The following ERICH5 variants were observed in gnomAD, a reference collection of about 807,000 sequenced individuals.
The protein encoded by ERICH5 is glutamate-rich protein 5.
A neutral mutation model predicts 28.0 loss-of-function variants in ERICH5; 24 were observed. The observed-to-expected ratio is 0.86, with a 90% CI of 0.62 to 1.21. The LOEUF (loss-of-function observed/expected upper bound fraction) is 1.21. Ranked by LOEUF, ERICH5 falls within the 50% of genes most tolerant of loss-of-function variation. ERICH5 has a pLI of 0.00. For missense variants in ERICH5, 421 were observed against 441.2 expected, an observed-to-expected ratio of 0.95 and a Z score of 0.41; for synonymous variants, 163 against 157.6, an observed-to-expected ratio of 1.03 and a Z score of -0.25.
chr8:98,078,621 C>T (rs180908659), intron 1 of ERICH5, among the ~76,000 whole-genome samples: 1 of 152,268 alleles, frequency 6.6e-6, no homozygotes, highest in South Asian at 2.1e-4. Context: ...GTTCTAATCC[C>T]TTCTGTAATG....
At chr8:98,088,808 A>C (rs2130532686) in intron 1 of ERICH5, among the ~76,000 whole-genome samples, 1 of 152,368 alleles carries the variant, frequency 6.6e-6, no homozygotes, top group Admixed American at 6.5e-5. Flanking sequence ...GACAGGAGCC[A>C]TGAAAAGATG....
In ERICH5 at chr8:98,072,511, G is replaced by A. The variant is rs568851405; in HGVS notation, c.58+7784G>A. 5.9e-5 allele frequency among the ~76,000 whole-genome samples: 9 copies of A among 152,248 alleles called. No homozygotes were observed. In the South Asian group the frequency reaches 8.3e-4, roughly 14 times the overall value. Reference sequence around the variant, plus strand: ...AAATTAGCTAGGCATGGTGGCACACGCTTGTTGTCCCAGCTACTCAGGAGG... The same window carrying A: ...AAATTAGCTAGGCATGGTGGCACACACTTGTTGTCCCAGCTACTCAGGAGG... On this transcript the variant is annotated intron_variant, in intron 1 of 2. Coordinates refer to ENST00000318528, the MANE Select transcript of ERICH5 (RefSeq NM_173549.3).
intron 1 of ERICH5, among the ~76,000 whole-genome samples, chr8:98,067,475 CTA>C (rs1814838908): frequency 6.7e-6 from 1 of 150,298 alleles, no homozygotes; most frequent in South Asian, 2.1e-4. Context: ...AAAAAAGAAA[CTA>C]TATGTTTAAA....
rs148323967 is a variant in ERICH5 at position 98,090,940 on chromosome 8, A to T, written c.1012+911A>T. Among the ~76,000 whole-genome samples, 383 of 151,926 alleles carry T rather than the reference A, an allele frequency of 2.5e-3. 2 individuals are homozygous for T. The highest frequency in any genetic ancestry group is 3.0e-3 in the Non-Finnish European group (207 of 67,950). ...TTTCATTTATTTATTTTATTTAATT[A>T]ATTTATTTATTTTTTGAGATGGAGT... On this transcript the variant is annotated intron_variant, in intron 2 of 2. Coordinates refer to ENST00000318528, the MANE Select transcript of ERICH5 (RefSeq NM_173549.3).
At chr8:98,065,652 AG>A (rs1370140659) in intron 1 of ERICH5, among the ~76,000 whole-genome samples, 1 of 152,222 alleles carries the variant, frequency 6.6e-6, no homozygotes, top group Non-Finnish European at 1.5e-5. Context: ...AGAGAATGAC[AG>A]GGTTTTACAG....
chr8:98,070,421 C>A (rs1487070850), intron 1 of ERICH5, among the ~76,000 whole-genome samples: 1 of 151,396 alleles, frequency 6.6e-6, no homozygotes, highest in Admixed American at 6.6e-5. Flanking sequence ...CTTTGGGAGG[C>A]TAAGGTGGGC....
intron 1 of ERICH5, among the ~76,000 whole-genome samples, chr8:98,081,454 C>T (rs930554395): frequency 6.6e-6 from 1 of 152,100 alleles, no homozygotes; most frequent in African/African-American, 2.4e-5. Flanking sequence ...GGAGGTATAA[C>T]AATAGTGATG....
intron 1 of ERICH5, among the ~76,000 whole-genome samples, chr8:98,067,595 C>T (rs1814841544): frequency 6.6e-6 from 1 of 151,888 alleles, no homozygotes; most frequent in African/African-American, 2.4e-5. Flanking sequence ...CAATACAATA[C>T]AATCAACAAA....
intron 1 of ERICH5, among the ~76,000 whole-genome samples, chr8:98,073,905 A>G (rs1814998746): frequency 8.4e-6 from 1 of 119,486 alleles, no homozygotes; most frequent in East Asian, 2.3e-4. Context: ...CACTTTTTAA[A>G]TTTTTCTCTC....
At chr8:98,079,315 T>C (rs1237734721) in intron 1 of ERICH5, among the ~76,000 whole-genome samples, 3 of 151,210 alleles carry the variant, frequency 2.0e-5, no homozygotes, top group African/African-American at 7.3e-5. Context: ...GGACTACAGG[T>C]GCATGCCACC....
At chr8:98,080,916 G>A (rs556912528) in intron 1 of ERICH5, among the ~76,000 whole-genome samples, 33 of 152,118 alleles carry the variant, frequency 2.2e-4, no homozygotes, top group African/African-American at 7.7e-4. Context: ...TGTTGGCCAG[G>A]CTGGTCGAAC....
At chr8:98,070,455 G>A (rs575196876) in intron 1 of ERICH5, among the ~76,000 whole-genome samples, 3 of 151,474 alleles carry the variant, frequency 2.0e-5, no homozygotes, top group Non-Finnish European at 4.4e-5. Context: ...TTGGGAGTTC[G>A]AGACCAGCCT....
chr8:98,064,748 G>C (rs992928741), intron 1 of ERICH5, 21 bp downstream of exon 1: 1 of 1,521,706 alleles, frequency 6.6e-7, no homozygotes, highest in Non-Finnish European at 8.8e-7. Flanking sequence ...TACCGGCGCC[G>C]CCCGCGCCCG....
chr8:98,090,403 A>G (rs35792173), intron 2 of ERICH5, among the ~76,000 whole-genome samples: 38,391 of 152,078 alleles, frequency 0.25, 5,543 homozygotes, highest in Non-Finnish European at 0.32. Flanking sequence ...TCACCTTCCA[A>G]TGAAATGATA....
In ERICH5 at chr8:98,064,640, G is replaced by A. The variant is rs1814783698; in HGVS notation, c.-30G>A. The A allele has an allele frequency of 6.7e-7, 1 of 1,500,914 alleles. No homozygotes were observed. The allele number at this position is 1,500,914 out of a possible 1,614,324, so 93.0% of individuals were successfully genotyped here. A position where few individuals can be genotyped will look rare whatever the true frequency, so the allele number is the denominator to read the frequency against. On this transcript the variant is annotated 5_prime_UTR_variant, in exon 1 of 3. Coordinates refer to ENST00000318528, the MANE Select transcript of ERICH5 (RefSeq NM_173549.3). ...CCGGTTCCGGGCCGACACCCGCGCA[G>A]GGCTGAGACAGGTGTCTGCGCTCCC...
At chr8:98,077,899 A>G (rs1815088467) in intron 1 of ERICH5, among the ~76,000 whole-genome samples, 1 of 152,110 alleles carries the variant, frequency 6.6e-6, no homozygotes, top group South Asian at 2.1e-4. Flanking sequence ...TTAAATTTCA[A>G]CATTAAGTTT....
intron 1 of ERICH5, among the ~76,000 whole-genome samples, chr8:98,087,194 TAAA>T (rs1227179174): frequency 1.3e-5 from 2 of 151,744 alleles, no homozygotes; most frequent in African/African-American, 4.8e-5. Flanking sequence ...ATTTAAAAAA[TAAA>T]AAAAGTTAAT....
intron 1 of ERICH5, 120 bp downstream of exon 1, chr8:98,064,847 C>A: frequency 1.4e-6 from 1 of 714,146 alleles, no homozygotes; most frequent in South Asian, 2.8e-5. Context: ...GGCCTTGTCC[C>A]GGAGGATGCG....
rs1383942683 is a variant in ERICH5, at chr8:98,093,314, A to G, written c.1106A>G (p.Asp369Gly). The change falls in exon 3 of 3, where the codon GAC becomes GGC. Residue 369 changes from aspartate (D) to glycine (G), a missense_variant. Physicochemically the swap from Asp to Gly is moderately conservative, Grantham distance 94 (BLOSUM62 -1). Coordinates refer to ENST00000318528, the MANE Select transcript of ERICH5 (RefSeq NM_173549.3). ...TKEEETGEVV[D>G]LSAAT is the part of the protein sequence containing the mutation. ...GAAGAAGAAACAGGAGAAGTGGTGGACCTTTCAGCAGCCACATAGATAGAA... is the reference window on the plus strand; with the variant it reads ...GAAGAAGAAACAGGAGAAGTGGTGGGCCTTTCAGCAGCCACATAGATAGAA... 4.3e-6 allele frequency: 7 copies of G among 1,613,572 alleles called. No homozygotes were observed. Among genetic ancestry groups the G allele is most frequent in the Non-Finnish European group, 5.9e-6 (7 of 1,179,558 alleles).
Sources: gnomAD v4.1 joint callset for allele counts (sites outside exome capture counted in the v4.1 genomes callset) on GRCh38, gnomAD v4.1.1 for gene constraint, MANE v1.5 for transcripts, NCBI Gene and HGNC (gene_info 2026-07-23, HGNC 2026-07-21) for gene names.